SNTG1: variants seen among roughly 807,000 people sequenced by gnomAD.
SNTG1 encodes syntrophin gamma 1.
Under a neutral mutation model 74.7 loss-of-function variants are expected in SNTG1, and 39 were observed. The ratio of observed to expected loss-of-function variants is 0.52; its 90% CI spans 0.40 to 0.68. SNTG1 has a LOEUF of 0.68. Among genes scored for constraint, SNTG1 ranks in the 30% least tolerant of loss-of-function variants. The pLI is 0.00. For missense variants in SNTG1, 685 were observed against 609.5 expected (o/e 1.12, Z -1.30); for synonymous variants, 254 against 217.1 (o/e 1.17, Z -1.49).
chr8:50,227,596 G>C (rs2085394913), intron 2 of SNTG1, among the ~76,000 whole-genome samples: 1 of 152,006 alleles, frequency 6.6e-6, no homozygotes, highest in African/African-American at 2.4e-5. Context: ...TTCATCATCA[G>C]GTTGTAGAAT....
At chr8:50,184,611 T>G (rs1463880841) in intron 2 of SNTG1, among the ~76,000 whole-genome samples, 6 of 152,228 alleles carry the variant, frequency 3.9e-5, no homozygotes, top group Non-Finnish European at 8.8e-5. Context: ...TTAGTCACCT[T>G]TGAAACTATT....
At position 50,088,899 on chromosome 8, in the gene SNTG1, A is replaced by C. The variant is rs1048461722; in HGVS notation, c.-102-83662A>C. ...ATGACTTTCTTCACAGAATTGGAAA[A>C]AACTACTTTAAAGTTCATATGGAAC... On this transcript the variant is annotated intron_variant, in intron 1 of 18. Coordinates refer to ENST00000642720, the MANE Select transcript of SNTG1 (RefSeq NM_018967.5). 8.0e-5 allele frequency among the ~76,000 whole-genome samples: 12 copies of C among 149,974 alleles called. No individual in the cohort carries two copies. The East Asian group carries it at 1.8e-3, about 22-fold the overall frequency.
At chr8:50,419,871 C>A (rs921705597) in intron 4 of SNTG1, among the ~76,000 whole-genome samples, 2 of 150,396 alleles carry the variant, frequency 1.3e-5, no homozygotes, top group East Asian at 3.9e-4. Context: ...CTAAACAATA[C>A]AATAATTGAA....
chr8:50,328,519 G>A (rs2090840819), intron 2 of SNTG1, among the ~76,000 whole-genome samples: 1 of 152,184 alleles, frequency 6.6e-6, no homozygotes, highest in Non-Finnish European at 1.5e-5. Flanking sequence ...TCTTCACAAG[G>A]CAGCAGGACA....
At chr8:50,099,537 G>T (rs1241475889) in intron 1 of SNTG1, among the ~76,000 whole-genome samples, 1 of 152,056 alleles carries the variant, frequency 6.6e-6, no homozygotes, top group African/African-American at 2.4e-5. Context: ...CCAAATGGTA[G>T]ATCTATATGC....
intron 4 of SNTG1, among the ~76,000 whole-genome samples, chr8:50,438,170 C>T (rs993992620): frequency 2.6e-5 from 4 of 152,084 alleles, no homozygotes; most frequent in Non-Finnish European, 5.9e-5. Context: ...TTACCATTGC[C>T]TCTGAGTTAC....
chr8:50,750,197 C>T (rs535048193), intron 17 of SNTG1, among the ~76,000 whole-genome samples: 22 of 152,046 alleles, frequency 1.4e-4, no homozygotes, highest in Non-Finnish European at 2.9e-4. Context: ...GAAGTAAATG[C>T]AAATGCCATG....
At chr8:50,315,409 C>T (rs28417856) in intron 2 of SNTG1, among the ~76,000 whole-genome samples, 1 of 149,566 alleles carries the variant, frequency 6.7e-6, no homozygotes, top group African/African-American at 2.5e-5. Flanking sequence ...TGGCATTCCC[C>T]ACAAATTATA....
At chr8:50,736,761 T>G (rs1431400211) in intron 17 of SNTG1, among the ~76,000 whole-genome samples, 1 of 152,072 alleles carries the variant, frequency 6.6e-6, no homozygotes, top group African/African-American at 2.4e-5. Context: ...AACTCAGGAC[T>G]AAGAAACTCA....
At position 50,660,991 on chromosome 8, in the gene SNTG1, G is replaced by A. The variant is rs1192865258; in HGVS notation, c.1038+2328G>A. Among the ~76,000 whole-genome samples, 25 of 151,942 alleles carry A rather than the reference G, an allele frequency of 1.6e-4. 1 individual carries two copies. The highest frequency in any genetic ancestry group is 1.6e-3 in the Admixed American group (24 of 15,244). ...ATCCCATCATTTGCTTGTATTCATT[G>A]AGTCCACTTTAAAATTTTACATTTA... is the stretch of plus-strand genomic sequence containing the variant. On this transcript the variant is annotated intron_variant, in intron 15 of 18. Coordinates refer to ENST00000642720, the MANE Select transcript of SNTG1 (RefSeq NM_018967.5).
At chr8:50,506,233 GT>G (rs2094005382) in intron 9 of SNTG1, among the ~76,000 whole-genome samples, 1 of 152,002 alleles carries the variant, frequency 6.6e-6, no homozygotes, top group Non-Finnish European at 1.5e-5. Flanking sequence ...GTACCACATT[GT>G]TTTTATTATT....
At chr8:50,538,770 A>G (rs1023838324) in intron 11 of SNTG1, among the ~76,000 whole-genome samples, 1 of 152,150 alleles carries the variant, frequency 6.6e-6, no homozygotes, top group African/African-American at 2.4e-5. Flanking sequence ...CAAACACTTG[A>G]TTAGTCCCGC....
intron 2 of SNTG1, among the ~76,000 whole-genome samples, chr8:50,307,836 G>T (rs551984987): frequency 6.6e-6 from 1 of 152,118 alleles, no homozygotes; most frequent in African/African-American, 2.4e-5. Flanking sequence ...TAGGAAAGAG[G>T]TTACAAAAGG....
At chr8:49,945,505 C>T (rs1410261217) in intron 1 of SNTG1, among the ~76,000 whole-genome samples, 2 of 152,168 alleles carry the variant, frequency 1.3e-5, no homozygotes, top group Non-Finnish European at 2.9e-5. Context: ...GTAATGCTGC[C>T]TTATAAACAA....
intron 15 of SNTG1, among the ~76,000 whole-genome samples, chr8:50,670,008 C>T (rs1481111703): frequency 1.3e-5 from 2 of 152,276 alleles, no homozygotes; most frequent in East Asian, 3.9e-4. Flanking sequence ...ATGCTAAAAA[C>T]TCTCAATAAA....
At chr8:50,409,426 T>G (rs1294272842) in intron 4 of SNTG1, among the ~76,000 whole-genome samples, 2 of 152,198 alleles carry the variant, frequency 1.3e-5, no homozygotes, top group Non-Finnish European at 2.9e-5. Flanking sequence ...TGAGTTCATA[T>G]CAGATAAAAC....
chr8:50,482,558 A>G (rs975889645), intron 8 of SNTG1, among the ~76,000 whole-genome samples: 2 of 152,154 alleles, frequency 1.3e-5, no homozygotes, highest in Admixed American at 6.5e-5. Context: ...ACAGAACATA[A>G]CCCATTTCAA....
chr8:50,399,210 AGTGTGT>A (rs5891363), intron 3 of SNTG1, among the ~76,000 whole-genome samples: 7 of 150,942 alleles, frequency 4.6e-5, no homozygotes, highest in Non-Finnish European at 8.9e-5. Context: ...TGTGTTTGTG[AGTGTGT>A]GTGTGTGTGT....
chr8:50,057,826 T>G (rs1298558539), intron 1 of SNTG1, among the ~76,000 whole-genome samples: 1 of 152,068 alleles, frequency 6.6e-6, no homozygotes, highest in Non-Finnish European at 1.5e-5. Flanking sequence ...AATGAACCTA[T>G]TTTAGGGTTG....
Sources: gnomAD v4.1 joint callset for allele counts (sites outside exome capture counted in the v4.1 genomes callset) on GRCh38, gnomAD v4.1.1 for gene constraint, MANE v1.5 for transcripts, NCBI Gene and HGNC (gene_info 2026-07-23, HGNC 2026-07-21) for gene names.